Variants in VMP1 observed in about 807,000 individuals in gnomAD.
VMP1 encodes the protein vacuole membrane protein 1, also known as ectopic P-granules autophagy protein 3 homolog.
VMP1 carries 11 observed loss-of-function variants against 56.0 expected under a neutral mutation model. The ratio of observed to expected loss-of-function variants is 0.20; its 90% CI spans 0.12 to 0.32. The LOEUF is 0.32. Among genes scored for constraint, VMP1 ranks in the 10% least tolerant of loss-of-function variants. VMP1 has a pLI of 1.00. For missense variants in VMP1, 296 were observed against 490.3 expected (o/e 0.60, Z 3.74); for synonymous variants, 149 against 165.0 (o/e 0.90, Z 0.74).
chr17:59,724,815 A>G (rs538524944), intron 1 of VMP1, among the ~76,000 whole-genome samples: 1 of 151,742 alleles, frequency 6.6e-6, no homozygotes, highest in Middle Eastern at 3.4e-3. Flanking sequence ...AATACAAAAA[A>G]ATTAGCCGGG....
At chr17:59,727,704 GT>G (rs1161820061) in intron 1 of VMP1, among the ~76,000 whole-genome samples, 2 of 152,092 alleles carry the variant, frequency 1.3e-5, no homozygotes, top group Non-Finnish European at 2.9e-5. Flanking sequence ...CTGTGAAGTT[GT>G]TTTTTATAGT....
At chr17:59,724,187 G>A (rs1381738744) in intron 1 of VMP1, among the ~76,000 whole-genome samples, 2 of 149,376 alleles carry the variant, frequency 1.3e-5, no homozygotes, top group East Asian at 1.9e-4. Context: ...ACTCCAGCCC[G>A]GGGGACAGAG....
intron 1 of VMP1, among the ~76,000 whole-genome samples, chr17:59,722,510 A>T (rs1018947748): frequency 6.6e-6 from 1 of 152,182 alleles, no homozygotes; most frequent in South Asian, 2.1e-4. Context: ...GTGTAACATA[A>T]AAAACGTACA....
chr17:59,778,869 T>C (rs1482081465), intron 7 of VMP1, among the ~76,000 whole-genome samples: 3 of 152,150 alleles, frequency 2.0e-5, no homozygotes, highest in Admixed American at 6.5e-5. Flanking sequence ...GATTTTGATC[T>C]TTTCCCCAGC....
Position 59,841,175 on chromosome 17 carries a change from G to GTTTGTT in VMP1, c.*1280_*1285dup. On this transcript the variant is annotated 3_prime_UTR_variant, in exon 12 of 12. Coordinates refer to ENST00000262291, the MANE Select transcript of VMP1 (RefSeq NM_030938.5). ...GGCCAGAAATGCCTGGGTTTTTTTG[G>GTTTGTT]TTTGTTTTTGTTTTTGTTTTTTTAT... The GTTTGTT allele has an allele frequency of 2.6e-6, 1 of 387,990 alleles. No individual in the cohort carries two copies. The highest frequency in any genetic ancestry group is 2.4e-5 in the Admixed American group (1 of 41,218). 24.0% of individuals were successfully genotyped at this position (387,990 alleles called of 1,614,324 possible).
chr17:59,713,198 A>G (rs1372936124), intron 1 of VMP1, among the ~76,000 whole-genome samples: 1 of 151,520 alleles, frequency 6.6e-6, no homozygotes, highest in Non-Finnish European at 1.5e-5. Context: ...TGAGACACTT[A>G]AAGAATCATC....
intron 5 of VMP1, among the ~76,000 whole-genome samples, chr17:59,757,083 T>C (rs1323207192): frequency 6.6e-6 from 1 of 152,160 alleles, no homozygotes; most frequent in Non-Finnish European, 1.5e-5. Context: ...ACTAATATGA[T>C]TTTTTCACAA....
intron 1 of VMP1, among the ~76,000 whole-genome samples, chr17:59,717,443 C>T (rs1345429940): frequency 1.3e-5 from 2 of 151,880 alleles, no homozygotes; most frequent in East Asian, 1.9e-4. Context: ...AGTGCAGTGG[C>T]ACTGTCTAGG....
chr17:59,708,483 C>T (rs943851315), intron 1 of VMP1, among the ~76,000 whole-genome samples: 7 of 152,184 alleles, frequency 4.6e-5, no homozygotes, highest in Non-Finnish European at 1.0e-4. Context: ...AGATTTTACA[C>T]AATCATCTTT....
In VMP1 at chr17:59,814,278, A is replaced by C. The variant is rs146747631; in HGVS notation, c.912+2492A>C. Among the ~76,000 whole-genome samples, 275 of 152,202 alleles carry C rather than the reference A, an allele frequency of 1.8e-3. 1 individual carries two copies. Among genetic ancestry groups the C allele is most frequent in the African/African-American group, 6.4e-3 (265 of 41,574 alleles). On this transcript the variant is annotated intron_variant, in intron 9 of 11. Coordinates refer to ENST00000262291, the MANE Select transcript of VMP1 (RefSeq NM_030938.5). ...AGGCATGATCCACTGCGCCTGGCCG[A>C]TGAGTGATTTTTTTATGGAACTTCA...
At chr17:59,752,146 A>AT (rs1366976044) in intron 5 of VMP1, among the ~76,000 whole-genome samples, 1 of 152,198 alleles carries the variant, frequency 6.6e-6, no homozygotes, top group East Asian at 1.9e-4. Flanking sequence ...ATCCGTAGCT[A>AT]TTTACACATC....
At chr17:59,729,415 A>G (rs1159841517) in intron 1 of VMP1, among the ~76,000 whole-genome samples, 1 of 149,870 alleles carries the variant, frequency 6.7e-6, no homozygotes, top group Non-Finnish European at 1.5e-5. Flanking sequence ...CTCGGGAGGC[A>G]GAGGTTGCAG....
At chr17:59,756,050 G>A (rs2035830128) in intron 5 of VMP1, among the ~76,000 whole-genome samples, 1 of 152,130 alleles carries the variant, frequency 6.6e-6, no homozygotes, top group Admixed American at 6.6e-5. Context: ...ACTGCATTTT[G>A]TAGAGACCAG....
chr17:59,818,616 C>T (rs1342519275), intron 10 of VMP1, among the ~76,000 whole-genome samples: 1 of 151,548 alleles, frequency 6.6e-6, no homozygotes, highest in East Asian at 2.0e-4. Flanking sequence ...ACTAAAAATA[C>T]AAAATTAGCC....
In VMP1 at chr17:59,811,519, C is replaced by A. The variant is rs1004450510; in HGVS notation, c.796-151C>A. On this transcript the variant is annotated intron_variant, in intron 8 of 11. Transcript: ENST00000262291. ...AGACACATTAGGATGTTTGCCTAAC[C>A]TCCTTTTGAACAATCCAGTAGTGAT... is the stretch of plus-strand genomic sequence containing the variant. The A allele has an allele frequency of 9.5e-5, 59 of 618,282 alleles. No individual in the cohort carries two copies. In the Middle Eastern group the frequency reaches 1.3e-3, roughly 14 times the overall value. 38.3% of individuals were successfully genotyped at this position (618,282 alleles called of 1,614,324 possible).
chr17:59,791,184 C>CTT lies in VMP1; in HGVS notation c.714+17319_714+17320dup, dbSNP rs200633751. On this transcript the variant is annotated intron_variant, in intron 7 of 11. Transcript: ENST00000262291. ...ACAATTTAAGACTGCTCCCAGTTCCCTTTTTTTTTTTTTTTTTTTTTAAGA... is the reference window on the plus strand; with the variant it reads ...ACAATTTAAGACTGCTCCCAGTTCCCTTTTTTTTTTTTTTTTTTTTTTTAAGA... Among the ~76,000 whole-genome samples the CTT allele has an allele frequency of 1.1e-3, 152 of 133,636 alleles. 1 individual carries two copies. Among genetic ancestry groups the CTT allele is most frequent in the South Asian group, 6.4e-3 (27 of 4,214 alleles). The allele number at this position is 133,636 out of a possible 152,430, so 87.7% of individuals were successfully genotyped here. A position where few individuals can be genotyped will look rare whatever the true frequency, so the allele number is the denominator to read the frequency against.
chr17:59,839,690 G>A, intron 11 of VMP1, 78 bp from the exon 12 acceptor site: 1 of 1,504,094 alleles, frequency 6.6e-7, no homozygotes, highest in Non-Finnish European at 8.9e-7. Flanking sequence ...CACACTTCAA[G>A]CATTATAGAT....
chr17:59,723,594 G>A (rs974153029), intron 1 of VMP1, among the ~76,000 whole-genome samples: 3 of 152,192 alleles, frequency 2.0e-5, no homozygotes. Flanking sequence ...GAAATTTGAT[G>A]ATGAGTAAGT....
chr17:59,830,583 G>A (rs1253940476), intron 10 of VMP1, among the ~76,000 whole-genome samples: 3 of 152,306 alleles, frequency 2.0e-5, no homozygotes, highest in Non-Finnish European at 2.9e-5. Flanking sequence ...TCTTTGTAAA[G>A]AGGCTATCGC....
Sources: gnomAD v4.1 joint callset for allele counts (sites outside exome capture counted in the v4.1 genomes callset) on GRCh38, gnomAD v4.1.1 for gene constraint, MANE v1.5 for transcripts, NCBI Gene and HGNC (gene_info 2026-07-23, HGNC 2026-07-21) for gene names.